The following TBCK variants were observed in gnomAD, a reference collection of about 807,000 sequenced individuals.
TBCK encodes TBC1 domain containing kinase, also known as TBC domain-containing protein kinase-like protein.
Under a neutral mutation model 113.4 loss-of-function variants are expected in TBCK, and 99 were observed. That is an observed-to-expected ratio of 0.87 (90% CI 0.74 to 1.03). TBCK has a LOEUF of 1.03. TBCK is among the 50% of genes least tolerant of loss of function. TBCK has a pLI of 0.00. For missense variants in TBCK, 1,045 were observed against 1,061.3 expected (o/e 0.98, Z 0.21); for synonymous variants, 369 against 370.8 (o/e 1.00, Z 0.05).
At chr4:106,073,691 CT>C (rs1256355562) in intron 25 of TBCK, among the ~76,000 whole-genome samples, 1 of 152,186 alleles carries the variant, frequency 6.6e-6, no homozygotes, top group African/African-American at 2.4e-5. Context: ...TTTCTGATGC[CT>C]TTTGTTCAGC....
chr4:106,262,291 T>C (rs1265920501), intron 3 of TBCK, 79 bp from the exon 4 acceptor site: 2 of 696,516 alleles, frequency 2.9e-6, no homozygotes, highest in Non-Finnish European at 4.8e-6. Context: ...TGTGACCTAG[T>C]GAAAATATTC....
rs1027463988 is a variant in TBCK, at chr4:106,096,306, T to C, written c.2412-665A>G. ...CTCTGATGGTACTTTTTTAAAAAAC[T>C]GAAAGTACTTTTATTTTCAGTAAAG... On this transcript the variant is annotated intron_variant, in intron 24 of 25. Transcript: ENST00000394708. 8.5e-5 allele frequency among the ~76,000 whole-genome samples: 13 copies of C among 152,330 alleles called. 1 individual carries two copies. The South Asian group carries it at 2.7e-3, about 32-fold the overall frequency.
intron 24 of TBCK, among the ~76,000 whole-genome samples, chr4:106,110,106 A>G (rs1186174790): frequency 6.6e-6 from 1 of 152,226 alleles, no homozygotes; most frequent in East Asian, 1.9e-4. Context: ...TTAATTACCC[A>G]CAAGTGTGTT....
intron 25 of TBCK, among the ~76,000 whole-genome samples, chr4:106,054,070 A>T (rs1317146257): frequency 6.6e-6 from 1 of 151,712 alleles, no homozygotes. Flanking sequence ...GATCCTTTTA[A>T]AATATAAGAC....
chr4:106,284,943 T>C (rs1442292386), intron 3 of TBCK, among the ~76,000 whole-genome samples: 1 of 152,182 alleles, frequency 6.6e-6, no homozygotes, highest in Non-Finnish European at 1.5e-5. Flanking sequence ...AGGCACTAAA[T>C]GTGAGATGAC....
chr4:106,310,468 A>T (rs1278394329), intron 1 of TBCK: 2 of 152,192 alleles, frequency 1.3e-5, no homozygotes, highest in Non-Finnish European at 2.9e-5. Context: ...AGAAGCGTCA[A>T]TTCTGCCACC....
Position 106,068,498 on chromosome 4 carries a change from A to C in TBCK, c.2572-21818T>G, listed in dbSNP as rs553462592. Among the ~76,000 whole-genome samples, 10 of 152,334 alleles carry C rather than the reference A, an allele frequency of 6.6e-5. No homozygotes were observed. The East Asian group carries it at 1.9e-3, about 29-fold the overall frequency. On this transcript the variant is annotated intron_variant, in intron 25 of 25. Coordinates refer to ENST00000394708, the MANE Select transcript of TBCK (RefSeq NM_001163435.3). Reference sequence around the variant, plus strand: ...TGAACTCATCCTTTTTTATGGCTGCATAATATTTCATGGTGTATATGTGCC... The same window carrying C: ...TGAACTCATCCTTTTTTATGGCTGCCTAATATTTCATGGTGTATATGTGCC...
Position 106,114,233 on chromosome 4 carries a change from C to A in TBCK, c.2411+1970G>T, listed in dbSNP as rs149455704. Among the ~76,000 whole-genome samples, 858 of 152,218 alleles carry A rather than the reference C, an allele frequency of 5.6e-3. 10 individuals carry two copies. Among genetic ancestry groups the A allele is most frequent in the African/African-American group, 0.02 (839 of 41,536 alleles). On this transcript the variant is annotated intron_variant, in intron 24 of 25. Transcript: ENST00000394708. ...TGGTGGGAAAAATTGTAGAAAGATG[C>A]AAACCTTCTTGGAAGGCGGGGAGGT...
intron 2 of TBCK, among the ~76,000 whole-genome samples, chr4:106,296,284 T>C (rs1766295656): frequency 6.6e-6 from 1 of 152,174 alleles, no homozygotes; most frequent in Non-Finnish European, 1.5e-5. Context: ...GTTGGAGTGT[T>C]GTCAGTATCT....
intron 23 of TBCK, 45 bp downstream of exon 23, chr4:106,171,050 T>A: frequency 1.4e-6 from 2 of 1,477,526 alleles, no homozygotes; most frequent in Admixed American, 2.3e-5. Flanking sequence ...AATTTTAACA[T>A]CCATCTCCTT....
chr4:106,275,834 T>A (rs532004271), intron 3 of TBCK, among the ~76,000 whole-genome samples: 35 of 152,254 alleles, frequency 2.3e-4, no homozygotes, highest in Middle Eastern at 3.4e-3. Flanking sequence ...TTTTAAGATA[T>A]CAGTTCTTTC....
chr4:106,181,062 C>A (rs1752313590), intron 22 of TBCK, among the ~76,000 whole-genome samples: 1 of 152,190 alleles, frequency 6.6e-6, no homozygotes, highest in Non-Finnish European at 1.5e-5. Flanking sequence ...GATCACCATT[C>A]TAACTGGTGT....
intron 20 of TBCK, among the ~76,000 whole-genome samples, chr4:106,207,642 T>C (rs1348370613): frequency 6.6e-6 from 1 of 152,210 alleles, no homozygotes; most frequent in Non-Finnish European, 1.5e-5. Context: ...TCACTGTCAA[T>C]AATGTCTACA....
chr4:106,270,506 G>T (rs1056091407), intron 3 of TBCK, among the ~76,000 whole-genome samples: 4 of 152,114 alleles, frequency 2.6e-5, no homozygotes, highest in Non-Finnish European at 1.5e-5. Flanking sequence ...CTCTAAGACA[G>T]AACTTATCAT....
chr4:106,078,094 TGAA>T (rs776083991), intron 25 of TBCK, among the ~76,000 whole-genome samples: 308 of 152,264 alleles, frequency 2.0e-3, no homozygotes, highest in Non-Finnish European at 3.6e-3. Flanking sequence ...TTGAAATGAA[TGAA>T]AACAGACACA....
intron 12 of TBCK, among the ~76,000 whole-genome samples, chr4:106,240,939 T>C (rs994439749): frequency 1.3e-5 from 2 of 152,062 alleles, no homozygotes; most frequent in Non-Finnish European, 2.9e-5. Context: ...TTGTGGGCCA[T>C]GCAGTCTCTA....
chr4:106,049,001 TAAGA>T (rs1157024947), intron 25 of TBCK, among the ~76,000 whole-genome samples: 1 of 152,122 alleles, frequency 6.6e-6, no homozygotes, highest in Non-Finnish European at 1.5e-5. Context: ...AGGCTGTGTT[TAAGA>T]AAAAGAGCAA....
intron 25 of TBCK, among the ~76,000 whole-genome samples, chr4:106,072,192 G>A (rs1737546959): frequency 6.6e-6 from 1 of 152,144 alleles, no homozygotes; most frequent in African/African-American, 2.4e-5. Flanking sequence ...TCCTAGCATC[G>A]ATAGTCTTTA....
At chr4:106,069,577 A>G (rs922960038) in intron 25 of TBCK, among the ~76,000 whole-genome samples, 27 of 152,268 alleles carry the variant, frequency 1.8e-4, no homozygotes, top group African/African-American at 6.0e-4. Flanking sequence ...GTCAGGTAGC[A>G]TGATGCCTCC....
Sources: allele counts gnomAD v4.1 joint callset (sites outside exome capture counted in the v4.1 genomes callset), GRCh38; gene constraint gnomAD v4.1.1; transcripts MANE v1.5; gene names NCBI Gene and HGNC (gene_info 2026-07-23, HGNC 2026-07-21).